USP36: variants seen among roughly 807,000 people sequenced by gnomAD.
USP36 encodes ubiquitin specific peptidase 36, also known as ubiquitin carboxyl-terminal hydrolase 36.
USP36 carries 59 observed loss-of-function variants against 111.5 expected under a neutral mutation model. The observed-to-expected ratio is 0.53, with a 90% CI of 0.43 to 0.66. USP36 has a LOEUF of 0.66. USP36 is among the 30% of genes least tolerant of loss of function. The pLI is 0.00. For synonymous variants in USP36, 628 were observed against 581.0 expected (o/e 1.08, Z -1.16); for missense variants, 1,488 against 1,468.0 (o/e 1.01, Z -0.22).
chr17:78,813,273 C>T (rs1200556080), intron 12 of USP36, among the ~76,000 whole-genome samples: 2 of 113,788 alleles, frequency 1.8e-5, no homozygotes, highest in Non-Finnish European at 4.0e-5. Context: ...AAGCAAGAAC[C>T]TCAAACACCT....
chr17:78,841,431 T>G (rs74001299), upstream of USP36: 223 of 152,436 alleles, frequency 1.5e-3, 2 homozygotes, highest in African/African-American at 5.2e-3. Context: ...GAAATGGCTC[T>G]TCGGAATTAG....
chr17:78,820,858 G>T (rs2094301623), intron 8 of USP36, 133 bp downstream of exon 8: 2 of 935,232 alleles, frequency 2.1e-6, no homozygotes, highest in African/African-American at 1.6e-5. Context: ...GGTCTGTACT[G>T]CAAGGCGGCA....
chr17:78,806,127 C>T (rs765590892), intron 15 of USP36, 29 bp downstream of exon 15: 2 of 1,611,916 alleles, frequency 1.2e-6, no homozygotes, highest in Admixed American at 3.3e-5. Context: ...AACCAGTTGG[C>T]ACCCAGAAGA....
downstream of USP36, among the ~76,000 whole-genome samples, chr17:78,792,653 A>C (rs2093592601): frequency 6.6e-6 from 1 of 152,138 alleles, no homozygotes; most frequent in Admixed American, 6.5e-5. Context: ...CTTGAGTTTG[A>C]GACCAGGGAC....
At chr17:78,810,110 T>C (rs2145178550) in intron 13 of USP36, among the ~76,000 whole-genome samples, 1 of 151,652 alleles carries the variant, frequency 6.6e-6, no homozygotes, top group South Asian at 2.1e-4. Context: ...CCTCCCAAAG[T>C]GCCCGGCCCC....
At chr17:78,813,024 A>G (rs1371146428) in intron 12 of USP36, 23 bp from the exon 13 acceptor site, 2 of 1,613,602 alleles carry the variant, frequency 1.2e-6, no homozygotes, top group East Asian at 2.2e-5. Context: ...GAAAACAAGT[A>G]GGGAATTCTC....
At chr17:78,823,617 T>C (rs1391321781) in intron 6 of USP36, among the ~76,000 whole-genome samples, 1 of 151,720 alleles carries the variant, frequency 6.6e-6, no homozygotes, top group Non-Finnish European at 1.5e-5. Context: ...CACCCTGAAG[T>C]GAAGTGCTGA....
chr17:78,802,605 C>A, intron 16 of USP36, 70 bp from the exon 17 acceptor site: 1 of 1,453,648 alleles, frequency 6.9e-7, no homozygotes, highest in South Asian at 1.3e-5. Context: ...CACAGACACC[C>A]GCCTGCAACA....
chr17:78,801,790 G>A (rs2093750589), intron 17 of USP36, among the ~76,000 whole-genome samples: 1 of 152,216 alleles, frequency 6.6e-6, no homozygotes, highest in South Asian at 2.1e-4. Context: ...GAGTCATTCC[G>A]TGAGAAGCTG....
chr17:78,809,331 T>C (rs2093992531), intron 13 of USP36, among the ~76,000 whole-genome samples: 1 of 152,234 alleles, frequency 6.6e-6, no homozygotes, highest in South Asian at 2.1e-4. Flanking sequence ...TTTGTTTTGT[T>C]CCCTACATTC....
At chr17:78,830,809 G>C (rs2068013148) in intron 4 of USP36, among the ~76,000 whole-genome samples, 1 of 151,924 alleles carries the variant, frequency 6.6e-6, no homozygotes, top group African/African-American at 2.4e-5. Context: ...TTACATAAAG[G>C]GGAGGTTTTT....
chr17:78,814,282 C>T (rs977405350), intron 11 of USP36, 130 bp downstream of exon 11: 295 of 1,278,044 alleles, frequency 2.3e-4, no homozygotes, highest in African/African-American at 1.7e-3. Flanking sequence ...GAGGCAACAA[C>T]GAGGACTTGA....
At chr17:78,833,155 C>T (rs1417406086) in intron 4 of USP36, among the ~76,000 whole-genome samples, 4 of 152,242 alleles carry the variant, frequency 2.6e-5, no homozygotes, top group African/African-American at 7.2e-5. Flanking sequence ...CTCCAAAAAA[C>T]GCCCCCAAAC....
chr17:78,812,982 T>C lies in USP36; in HGVS notation c.1285A>G (p.Ser429Gly), dbSNP rs2094103182. 1 of 1,613,950 alleles carries C rather than the reference T, an allele frequency of 6.2e-7. No homozygotes were observed. The highest frequency in any genetic ancestry group is 1.7e-5 in the Admixed American group (1 of 59,984). The change falls in exon 13 of 21, where the codon AGT (serine) becomes GGT (glycine). Residue 429 changes from serine (S) to glycine (G), a missense_variant. Coordinates refer to ENST00000449938, the MANE Select transcript of USP36 (RefSeq NM_001385174.1). ...FYLRIPGSKKSPEGLISRTGS... is the reference protein window; with the variant it reads ...FYLRIPGSKKGPEGLISRTGS... Reference sequence around the variant, plus strand: ...GTCCTGGAGATGAGGCCCTCGGGACTTTTCTTAGAGCCTGGAATTCTGTCA... The same window carrying C: ...GTCCTGGAGATGAGGCCCTCGGGACCTTTCTTAGAGCCTGGAATTCTGTCA...
Position 78,819,990 on chromosome 17 carries a change from G to A in USP36, c.851C>T (p.Ala284Val), listed in dbSNP as rs2094280216. 1.2e-6 allele frequency: 2 copies of A among 1,614,144 alleles called. No homozygotes were observed. The highest frequency in any genetic ancestry group is 1.7e-6 in the Non-Finnish European group (2 of 1,179,996). ...ATCTGCTTTCACAAAAAGTTCCAGA[G>A]CACGCACAATATTCGCAGCTTGCTG... ...EIRQAANIVR[A>V]LELFVKADVL... Residue 284 changes from alanine to valine, a missense_variant, in exon 9 of 21, where the codon GCT (alanine) becomes GTT (valine). Ala to Val is a moderately conservative substitution (Grantham distance 64). Around this residue, in one of 3 missense-constraint regions of USP36, gnomAD observed 196 missense variants for 264.4 expected, o/e 0.74. Transcript: ENST00000449938.
chr17:78,815,890 A>C (rs558399158), intron 10 of USP36, among the ~76,000 whole-genome samples: 1 of 152,154 alleles, frequency 6.6e-6, no homozygotes, highest in Admixed American at 6.6e-5. Context: ...TACATGCACA[A>C]CACATACATG....
chr17:78,835,231 C>G (rs750424380), intron 4 of USP36, 49 bp downstream of exon 4: 5 of 1,579,908 alleles, frequency 3.2e-6, no homozygotes, highest in Non-Finnish European at 4.3e-6. Flanking sequence ...ATGGGCTTAT[C>G]TAATCCAGAG....
chr17:78,803,290 A>T lies in USP36; in HGVS notation c.2810+95T>A, dbSNP rs1014122743. On this transcript the variant is annotated intron_variant, in intron 16 of 20. Transcript: ENST00000449938. The surrounding 1 kb of genome is among the most constrained non-coding windows in gnomAD (Gnocchi z 4.6). ...TTTTAGAAAACCACGCAAGCAGACT[A>T]CGTTTCCAGACCATACCTACTTGGG... 2.9e-5 allele frequency: 39 copies of T among 1,347,024 alleles called. No individual in the cohort carries two copies. The African/African-American group carries it at 5.2e-4, about 18-fold the overall frequency. The allele number at this position is 1,347,024 out of a possible 1,614,324, so 83.4% of individuals were successfully genotyped here.
rs551445413 is a variant in USP36, at chr17:78,806,400, A to T, written c.2086-114T>A. Reference sequence around the variant, plus strand: ...ATAAAAACAAAAGAGCCCAGAAAAAAAGATGAGGAGACAGAAGAAGACAAA... The same window carrying T: ...ATAAAAACAAAAGAGCCCAGAAAAATAGATGAGGAGACAGAAGAAGACAAA... On this transcript the variant is annotated intron_variant, in intron 14 of 20. Coordinates refer to ENST00000449938, the MANE Select transcript of USP36 (RefSeq NM_001385174.1). The T allele has an allele frequency of 1.6e-4, 226 of 1,435,904 alleles. No individual in the cohort carries two copies. In the South Asian group the frequency reaches 2.6e-3, roughly 16 times the overall value. 88.9% of individuals were successfully genotyped at this position (1,435,904 alleles called of 1,614,324 possible). A position where few individuals can be genotyped will look rare whatever the true frequency, so the allele number is the denominator to read the frequency against.
Sources: allele counts gnomAD v4.1 joint callset (sites outside exome capture counted in the v4.1 genomes callset), GRCh38; gene constraint gnomAD v4.1.1; regional missense constraint gnomAD v4.1.1; non-coding constraint Gnocchi (gnomAD v3.1); transcripts MANE v1.5; gene names NCBI Gene and HGNC (gene_info 2026-07-23, HGNC 2026-07-21).